UTP6: variants seen among roughly 807,000 people sequenced by gnomAD.
UTP6 encodes the protein U3 small nucleolar RNA-associated protein 6 homolog.
A neutral mutation model predicts 96.5 loss-of-function variants in UTP6; 60 were observed. The observed-to-expected ratio is 0.62, with a 90% CI of 0.51 to 0.77. The LOEUF (loss-of-function observed/expected upper bound fraction) is 0.77. Ranked by LOEUF, UTP6 falls within the 30% of genes least tolerant of loss-of-function variation. The pLI, the probability that UTP6 is intolerant of heterozygous loss-of-function variation, is 0.00. For missense variants in UTP6, 637 were observed against 706.5 expected (o/e 0.90, Z 1.12); for synonymous variants, 215 against 240.1 (o/e 0.90, Z 0.96).
At chr17:31,866,157 G>T (rs1359035960) in intron 17 of UTP6, among the ~76,000 whole-genome samples, 1 of 150,680 alleles carries the variant, frequency 6.6e-6, no homozygotes. Flanking sequence ...CGTGGTGGCG[G>T]GTGCCTGTAG....
In UTP6 at chr17:31,873,742, T is replaced by C; in HGVS notation, c.1317A>G (p.Pro439=). 6.2e-7 allele frequency: 1 copy of C among 1,609,650 alleles called. No individual in the cohort carries two copies. The highest frequency in any genetic ancestry group is 1.1e-5 in the South Asian group (1 of 90,346). ...TCCACTCTGCCCAGGAAATCCACAA[T>C]GGCAGACAAACCTACTCCCAGTTTA... ...FVHLKPQVCL[P]LWISWAEWSE... The change falls in exon 15 of 19, where the codon CCA becomes CCG. Residue 439 remains proline, a synonymous_variant. Coordinates refer to ENST00000261708, the MANE Select transcript of UTP6 (RefSeq NM_018428.3).
intron 10 of UTP6, 58 bp downstream of exon 10, chr17:31,884,366 A>T: frequency 7.2e-7 from 1 of 1,381,952 alleles, no homozygotes; most frequent in Non-Finnish European, 1.0e-6. Context: ...TCCAACCTCA[A>T]ACCCTTAATC....
At chr17:31,870,515 G>GTT (rs757361777) in intron 16 of UTP6, among the ~76,000 whole-genome samples, 3 of 138,792 alleles carry the variant, frequency 2.2e-5, no homozygotes, top group African/African-American at 7.9e-5. Context: ...TGTTGTTTTG[G>GTT]TTTTTTTTTT....
chr17:31,894,531 G>A, intron 4 of UTP6, 114 bp downstream of exon 4: 1 of 714,814 alleles, frequency 1.4e-6, no homozygotes, highest in Non-Finnish European at 2.3e-6. Context: ...CATCATTAGA[G>A]TAAGTATAAA....
chr17:31,893,438 A>T (rs1167270091), intron 4 of UTP6, among the ~76,000 whole-genome samples: 1 of 150,966 alleles, frequency 6.6e-6, no homozygotes, highest in Non-Finnish European at 1.5e-5. Context: ...CTCAAAAAAA[A>T]AAAAAAAAAA....
intron 16 of UTP6, among the ~76,000 whole-genome samples, chr17:31,868,331 T>TTTG (rs1567776669): frequency 7.0e-6 from 1 of 143,686 alleles, no homozygotes. Context: ...TTTGGTTTTT[T>TTTG]TTTTTTTTTT....
At chr17:31,873,081 T>C (rs1910282049) in intron 16 of UTP6, 1 of 282,472 alleles carries the variant, frequency 3.5e-6, no homozygotes, top group Non-Finnish European at 6.8e-6. Flanking sequence ...TGAAACCTTG[T>C]CTTTAAAATC....
At chr17:31,900,288 T>C (rs1004077847) in intron 1 of UTP6, among the ~76,000 whole-genome samples, 1 of 152,096 alleles carries the variant, frequency 6.6e-6, no homozygotes, top group Admixed American at 6.6e-5. Flanking sequence ...TTTATACCAT[T>C]TATGTATGGT....
chr17:31,885,102 G>A (rs147987340), intron 9 of UTP6: 3,682 of 151,968 alleles, frequency 0.024, 69 homozygotes, highest in Middle Eastern at 0.051. Context: ...TACACTGCTC[G>A]TTGATGGGTG....
intron 18 of UTP6, 62 bp from the exon 19 acceptor site, chr17:31,863,578 A>G (rs1428161864): frequency 4.2e-6 from 6 of 1,420,398 alleles, no homozygotes; most frequent in African/African-American, 1.5e-5. Flanking sequence ...ACCTTATTAA[A>G]TATCAATTCA....
At chr17:31,890,223 T>C (rs766261757) in intron 6 of UTP6, among the ~76,000 whole-genome samples, 67 of 151,834 alleles carry the variant, frequency 4.4e-4, no homozygotes, top group East Asian at 4.0e-4. Flanking sequence ...CTCAAACTCC[T>C]GATCTCAAAT....
At chr17:31,878,642 C>T (rs1036855135) in intron 12 of UTP6, 60 bp downstream of exon 12, 6 of 1,488,016 alleles carry the variant, frequency 4.0e-6, no homozygotes, top group East Asian at 2.3e-5. Context: ...ATCTGTGCTT[C>T]TGTTCTTTCA....
At chr17:31,877,380 C>T (rs1299338089) in intron 13 of UTP6, among the ~76,000 whole-genome samples, 3 of 152,154 alleles carry the variant, frequency 2.0e-5, no homozygotes, top group Admixed American at 1.3e-4. Flanking sequence ...TTATTGCACA[C>T]TATATGTGCT....
chr17:31,899,032 C>T (rs1320986209), intron 2 of UTP6, among the ~76,000 whole-genome samples: 1 of 151,518 alleles, frequency 6.6e-6, no homozygotes, highest in African/African-American at 2.4e-5. Context: ...ACTCTTGTCT[C>T]AAAAACAAAA....
chr17:31,871,047 T>C (rs1376416622), intron 16 of UTP6, among the ~76,000 whole-genome samples: 2 of 147,578 alleles, frequency 1.4e-5, no homozygotes, highest in African/African-American at 5.0e-5. Context: ...TGGAATGCAG[T>C]GGCGCGATCT....
chr17:31,863,658 T>C (rs939817791), intron 18 of UTP6, 142 bp from the exon 19 acceptor site: 37 of 743,908 alleles, frequency 5.0e-5, no homozygotes, highest in Non-Finnish European at 7.5e-5. Flanking sequence ...ACAATACCTC[T>C]CTTAGCTTCT....
chr17:31,880,448 G>C, intron 11 of UTP6, 125 bp downstream of exon 11: 2 of 1,168,246 alleles, frequency 1.7e-6, no homozygotes, highest in Non-Finnish European at 2.4e-6. Flanking sequence ...AAAAGGCCAG[G>C]CTCATCGTAA....
intron 16 of UTP6, 88 bp from the exon 17 acceptor site, chr17:31,868,200 A>G (rs1054403674): frequency 2.6e-5 from 31 of 1,187,664 alleles, no homozygotes; most frequent in Non-Finnish European, 3.6e-5. Flanking sequence ...CAGTGCCTCC[A>G]CAACACATGG....
chr17:31,867,892 G>A (rs59530112), intron 17 of UTP6, among the ~76,000 whole-genome samples, 154 bp downstream of exon 17: 242 of 152,184 alleles, frequency 1.6e-3, no homozygotes, highest in African/African-American at 5.6e-3. Flanking sequence ...GGGAGATGGA[G>A]GTTGCAGTGA....
Sources: gnomAD v4.1 joint callset for allele counts (sites outside exome capture counted in the v4.1 genomes callset) on GRCh38, gnomAD v4.1.1 for gene constraint, MANE v1.5 for transcripts, NCBI Gene and HGNC (gene_info 2026-07-23, HGNC 2026-07-21) for gene names.